Variants in GRM8 observed in about 807,000 individuals in gnomAD.
GRM8 encodes the protein glutamate metabotropic receptor 8, also known as metabotropic glutamate receptor 8.
Under a neutral mutation model 87.2 loss-of-function variants are expected in GRM8, and 47 were observed. The observed-to-expected ratio is 0.54, with a 90% CI of 0.43 to 0.69. The LOEUF is 0.69. Ranked by LOEUF, GRM8 falls within the 30% of genes least tolerant of loss-of-function variation. The pLI, the probability that GRM8 is intolerant of heterozygous loss-of-function variation, is 0.00. For missense variants in GRM8, 1,019 were observed against 1,139.2 expected (o/e 0.89, Z 1.52); for synonymous variants, 396 against 404.5 (o/e 0.98, Z 0.25).
intron 8 of GRM8, among the ~76,000 whole-genome samples, chr7:126,542,070 A>C (rs149667514): frequency 6.6e-6 from 1 of 152,342 alleles, no homozygotes; most frequent in East Asian, 1.9e-4. Flanking sequence ...TGGCACAAGG[A>C]GAAAACCATC....
chr7:126,965,668 G>C (rs1468949222), intron 3 of GRM8, among the ~76,000 whole-genome samples: 4 of 151,704 alleles, frequency 2.6e-5, no homozygotes, highest in Admixed American at 2.6e-4. Context: ...CTACCATAAG[G>C]GTTTTTTCCC....
chr7:126,942,537 G>A (rs192728827), intron 3 of GRM8, among the ~76,000 whole-genome samples: 8 of 152,314 alleles, frequency 5.3e-5, no homozygotes, highest in Non-Finnish European at 1.2e-4. Flanking sequence ...GGTGGATGTG[G>A]ACGTTTGCTC....
intron 7 of GRM8, among the ~76,000 whole-genome samples, chr7:126,659,171 C>T (rs144213796): frequency 2.7e-4 from 41 of 152,030 alleles, no homozygotes; most frequent in African/African-American, 7.7e-4. Flanking sequence ...TTCTGCAAAA[C>T]CTCCCAGCCT....
chr7:126,526,130 T>C (rs1169890546), intron 9 of GRM8, among the ~76,000 whole-genome samples: 1 of 152,210 alleles, frequency 6.6e-6, no homozygotes, highest in African/African-American at 2.4e-5. Context: ...GCACCCTGTA[T>C]GTTCCATGAG....
intron 6 of GRM8, among the ~76,000 whole-genome samples, chr7:126,843,812 G>A (rs1174451208): frequency 6.6e-6 from 1 of 152,182 alleles, no homozygotes; most frequent in South Asian, 2.1e-4. Context: ...AACTTCACCT[G>A]CTACTTTTTT....
At chr7:126,807,722 T>C (rs748300438) in intron 6 of GRM8, among the ~76,000 whole-genome samples, 1 of 152,132 alleles carries the variant, frequency 6.6e-6, no homozygotes, top group African/African-American at 2.4e-5. Context: ...TCCGTCCTAG[T>C]CCCAAGTGGT....
intron 3 of GRM8, among the ~76,000 whole-genome samples, chr7:126,982,293 A>G (rs1054096092): frequency 6.6e-6 from 1 of 152,192 alleles, no homozygotes; most frequent in Non-Finnish European, 1.5e-5. Context: ...TTCCCAGCCC[A>G]CTGACTCAAA....
intron 2 of GRM8, among the ~76,000 whole-genome samples, chr7:127,108,008 T>C (rs1465604301): frequency 6.6e-6 from 1 of 152,188 alleles, no homozygotes; most frequent in Non-Finnish European, 1.5e-5. Flanking sequence ...CAGAATAGCG[T>C]GGCCCATTTA....
intron 6 of GRM8, among the ~76,000 whole-genome samples, chr7:126,885,443 C>G (rs1384011046): frequency 1.3e-5 from 2 of 152,114 alleles, no homozygotes; most frequent in Non-Finnish European, 2.9e-5. Context: ...CCAAGACTAA[C>G]CCCCACAGTC....
intron 3 of GRM8, among the ~76,000 whole-genome samples, chr7:126,976,497 G>A (rs1027296129): frequency 3.9e-5 from 6 of 152,132 alleles, no homozygotes; most frequent in African/African-American, 1.4e-4. Flanking sequence ...GGGAGGCTGA[G>A]GCAGGACAAT....
rs190347588 is a variant in GRM8 at position 126,522,870 on chromosome 7, G to A, written c.2430+10082C>T. Among the ~76,000 whole-genome samples the A allele has an allele frequency of 1.9e-4, 29 of 152,204 alleles. 1 individual carries two copies. In the East Asian group the frequency reaches 5.4e-3, roughly 28 times the overall value. ...TACTCTGCCTTGACCAGTCACTTCTGTGCTTGGTATTATCCCCCTGACTTG... is the reference window on the plus strand; with the variant it reads ...TACTCTGCCTTGACCAGTCACTTCTATGCTTGGTATTATCCCCCTGACTTG... On this transcript the variant is annotated intron_variant, in intron 9 of 10. Transcript: ENST00000339582.
intron 8 of GRM8, among the ~76,000 whole-genome samples, chr7:126,575,860 AT>A (rs1297138505): frequency 6.6e-6 from 1 of 152,132 alleles, no homozygotes; most frequent in Non-Finnish European, 1.5e-5. Flanking sequence ...TCCAAGTGCA[AT>A]TTTTGGTCTT....
At chr7:126,574,384 C>CT (rs1362610263) in intron 8 of GRM8, among the ~76,000 whole-genome samples, 1 of 152,176 alleles carries the variant, frequency 6.6e-6, no homozygotes, top group Non-Finnish European at 1.5e-5. Flanking sequence ...GCATGACTGA[C>CT]TGCAGGCTTG....
At chr7:126,958,872 C>T (rs1809024676) in intron 3 of GRM8, among the ~76,000 whole-genome samples, 2 of 152,200 alleles carry the variant, frequency 1.3e-5, no homozygotes, top group African/African-American at 4.8e-5. Context: ...AAATAATCAA[C>T]ACTCTACCCA....
chr7:126,953,036 G>A (rs1415254812), intron 3 of GRM8, among the ~76,000 whole-genome samples: 3 of 152,038 alleles, frequency 2.0e-5, no homozygotes, highest in Non-Finnish European at 2.9e-5. Context: ...GGAGGCTAGG[G>A]CAGGGATATG....
intron 2 of GRM8, among the ~76,000 whole-genome samples, chr7:127,218,653 G>A (rs980382387): frequency 3.9e-5 from 6 of 152,146 alleles, no homozygotes; most frequent in Admixed American, 6.5e-5. Flanking sequence ...TCCTTGGGGC[G>A]TGGTACTTGT....
At chr7:126,613,946 T>C (rs1799182801) in intron 7 of GRM8, among the ~76,000 whole-genome samples, 1 of 152,158 alleles carries the variant, frequency 6.6e-6, no homozygotes, top group African/African-American at 2.4e-5. Context: ...AGACTCCACC[T>C]CTGGGGGCAG....
intron 3 of GRM8, among the ~76,000 whole-genome samples, chr7:127,092,263 T>C (rs1471623252): frequency 6.6e-6 from 1 of 152,130 alleles, no homozygotes; most frequent in Non-Finnish European, 1.5e-5. Flanking sequence ...GTCTTTCTTT[T>C]GAATAAAATC....
chr7:126,744,413 C>T (rs57603042), intron 7 of GRM8, among the ~76,000 whole-genome samples: 4,513 of 152,080 alleles, frequency 0.03, 255 homozygotes, highest in African/African-American at 0.1. Flanking sequence ...GGAAAACTTG[C>T]ATACTCCTCA....
Sources: gnomAD v4.1 joint callset for allele counts (sites outside exome capture counted in the v4.1 genomes callset) on GRCh38, gnomAD v4.1.1 for gene constraint, MANE v1.5 for transcripts, NCBI Gene and HGNC (gene_info 2026-07-23, HGNC 2026-07-21) for gene names.